LONP1: variants seen among roughly 807,000 people sequenced by gnomAD.
LONP1 encodes lon peptidase 1, mitochondrial, also known as lon protease homolog, mitochondrial.
Under a neutral mutation model 98.5 loss-of-function variants are expected in LONP1, and 31 were observed. That is an observed-to-expected ratio of 0.31 (90% CI 0.24 to 0.42). The LOEUF is 0.42. Ranked by LOEUF, LONP1 falls within the 20% of genes least tolerant of loss-of-function variation. The pLI is 1.00. For missense variants in LONP1, 1,336 were observed against 1,350.6 expected (o/e 0.99, Z 0.17); for synonymous variants, 781 against 594.7 (o/e 1.31, Z -4.56).
chr19:5,708,468 G>GGGGGGGGGGGGGGGGC, intron 4 of LONP1, 65 bp from the exon 5 acceptor site: 6 of 551,252 alleles, frequency 1.1e-5, no homozygotes, highest in Non-Finnish European at 1.4e-5. Flanking sequence ...GGCTGGGTGG[G>GGGGGGGGGGGGGGGGC]AGCATGGCCC....
chr19:5,697,033 G>A (rs1599450567), intron 10 of LONP1, among the ~76,000 whole-genome samples: 1 of 152,212 alleles, frequency 6.6e-6, no homozygotes, highest in East Asian at 1.9e-4. Context: ...GTGAAAGCCA[G>A]ACAGGCGCTG....
intron 15 of LONP1, among the ~76,000 whole-genome samples, 160 bp from the exon 16 acceptor site, chr19:5,693,929 C>T (rs368029326): frequency 5.9e-5 from 9 of 152,302 alleles, no homozygotes; most frequent in Non-Finnish European, 8.8e-5. Context: ...CTGGCCTCTA[C>T]GTTTGCTGCG....
At chr19:5,715,386 G>GT (rs562692203) in intron 1 of LONP1, among the ~76,000 whole-genome samples, 133 of 146,958 alleles carry the variant, frequency 9.1e-4, no homozygotes, top group African/African-American at 3.2e-3. Context: ...GCTCACGCCT[G>GT]TAATCCCAGC....
intron 1 of LONP1, among the ~76,000 whole-genome samples, chr19:5,716,576 A>G (rs1280803221): frequency 3.5e-5 from 5 of 144,130 alleles, no homozygotes; most frequent in African/African-American, 1.3e-4. Context: ...TTCTGTTCCC[A>G]GAAAAAAAAA....
upstream of LONP1, chr19:5,720,187 A>G (rs2055417778): frequency 7.2e-7 from 1 of 1,382,738 alleles, no homozygotes; most frequent in Non-Finnish European, 9.3e-7. Flanking sequence ...TCGCCGCGAA[A>G]CGCACGTGAC....
chr19:5,702,674 G>T (rs2055075916), intron 8 of LONP1, among the ~76,000 whole-genome samples: 1 of 152,206 alleles, frequency 6.6e-6, no homozygotes, highest in African/African-American at 2.4e-5. Context: ...TCTGTACTAA[G>T]AAAAATTCTT....
In LONP1 at chr19:5,701,021, C is replaced by T. The variant is rs1599458531; in HGVS notation, c.1368-94G>A. ...CTGGGTGGTTGCAAGGGGCTTGAAA[C>T]CCATGTGTGGGGCTGAGCGCGGTGG... On this transcript the variant is annotated intron_variant, in intron 8 of 17. Coordinates refer to ENST00000360614, the MANE Select transcript of LONP1 (RefSeq NM_004793.4). 10 of 1,452,530 alleles carry T rather than the reference C, an allele frequency of 6.9e-6. No individual in the cohort carries two copies. The East Asian group carries it at 2.1e-4, about 30-fold the overall frequency. 90.0% of individuals were successfully genotyped at this position (1,452,530 alleles called of 1,614,324 possible).
intron 11 of LONP1, 143 bp from the exon 12 acceptor site, chr19:5,696,514 T>C: frequency 7.6e-7 from 1 of 1,315,692 alleles, no homozygotes; most frequent in South Asian, 1.4e-5. Flanking sequence ...CTGCTGGGCG[T>C]GGCTGTGGGT....
Position 5,693,196 on chromosome 19 carries a change from C to G in LONP1, c.2703+102G>C. Reference sequence around the variant, plus strand: ...GACCTGCTTCCAAAGCCCAGGGCTTCCCTCTCCTTGGCCCAGGCAGAGGTT... The same window carrying G: ...GACCTGCTTCCAAAGCCCAGGGCTTGCCTCTCCTTGGCCCAGGCAGAGGTT... On this transcript the variant is annotated intron_variant, in intron 17 of 17. Transcript: ENST00000360614. 3.5e-6 allele frequency: 5 copies of G among 1,421,218 alleles called. No individual in the cohort carries two copies. In the South Asian group the frequency reaches 6.7e-5, roughly 19 times the overall value. 88.0% of individuals were successfully genotyped at this position (1,421,218 alleles called of 1,614,324 possible).
intron 8 of LONP1, among the ~76,000 whole-genome samples, chr19:5,702,343 G>A (rs559168552): frequency 5.7e-4 from 85 of 150,148 alleles, no homozygotes; most frequent in African/African-American, 1.9e-3. Flanking sequence ...CGCCCCGTCC[G>A]GGAGGGAGGT....
intron 1 of LONP1, among the ~76,000 whole-genome samples, chr19:5,718,121 G>A (rs1250743564): frequency 3.9e-5 from 6 of 152,202 alleles, no homozygotes; most frequent in African/African-American, 1.4e-4. Context: ...TATGGAGCTA[G>A]GATAGGACCC....
intron 3 of LONP1, 25 bp from the exon 4 acceptor site, chr19:5,712,027 G>GA: frequency 1.3e-6 from 2 of 1,588,536 alleles, no homozygotes; most frequent in South Asian, 2.2e-5. Flanking sequence ...AGGCAGGTGT[G>GA]AATCAGCCGC....
chr19:5,698,593 A>G (rs942103719), intron 10 of LONP1, among the ~76,000 whole-genome samples: 4 of 152,144 alleles, frequency 2.6e-5, no homozygotes, highest in African/African-American at 9.7e-5. Flanking sequence ...TCCTCACTGG[A>G]GACCGTCTCT....
In LONP1 at chr19:5,692,086, G is replaced by T. The variant is rs1202368334; in HGVS notation, c.2826C>A (p.Ile942=). The stretch of plus-strand genomic sequence containing the variant: ...GCTCGTCCGGGAAGGCGATGTCGAA[G>T]ATCTCCCGGTAGTGTTCCACGAAGT... ...EVHFVEHYRE[I]FDIAFPDEQA... Residue 942 remains isoleucine, a synonymous_variant, in exon 18 of 18, where the codon ATC becomes ATA. Transcript: ENST00000360614. 17 of 1,613,988 alleles carry T rather than the reference G, an allele frequency of 1.1e-5. No homozygotes were observed. The highest frequency in any genetic ancestry group is 1.4e-5 in the Non-Finnish European group (17 of 1,179,992).
intron 11 of LONP1, 126 bp from the exon 12 acceptor site, chr19:5,696,497 G>C (rs55653659): frequency 2.2e-6 from 3 of 1,390,366 alleles, no homozygotes. Flanking sequence ...TGCCTTGGAC[G>C]GGCAGCCTGC....
At chr19:5,715,448 C>A (rs2055300799) in intron 1 of LONP1, among the ~76,000 whole-genome samples, 1 of 150,386 alleles carries the variant, frequency 6.6e-6, no homozygotes, top group East Asian at 2.0e-4. Flanking sequence ...TCGAGACCAT[C>A]CTGGCTAACA....
intron 8 of LONP1, among the ~76,000 whole-genome samples, chr19:5,702,357 G>A (rs1249427652): frequency 6.7e-6 from 1 of 149,100 alleles, no homozygotes; most frequent in Admixed American, 6.6e-5. Flanking sequence ...GGGAGGTGGG[G>A]GGGTCAGCCC....
At chr19:5,698,947 T>A in intron 10 of LONP1, 80 bp downstream of exon 10, 1 of 1,432,800 alleles carries the variant, frequency 7.0e-7, no homozygotes, top group Non-Finnish European at 9.4e-7. Flanking sequence ...CTACCAGATG[T>A]TAAAGGGTGA....
chr19:5,707,280 G>A lies in LONP1; in HGVS notation c.1063-137C>T, dbSNP rs1056376139. The A allele has an allele frequency of 1.4e-5, 10 of 696,450 alleles. No homozygotes were observed. In the African/African-American group the frequency reaches 1.8e-4, roughly 12 times the overall value. The allele number at this position is 696,450 out of a possible 1,614,324, so 43.1% of individuals were successfully genotyped here. A position where few individuals can be genotyped will look rare whatever the true frequency, so the allele number is the denominator to read the frequency against. On this transcript the variant is annotated intron_variant, in intron 6 of 17. Transcript: ENST00000360614. ...CATGCTGTACCCAGCACAGAGGCAT[G>A]TGTGCCCTCTGCCCCAACAAATCCC...
Sources: allele counts gnomAD v4.1 joint callset (sites outside exome capture counted in the v4.1 genomes callset), GRCh38; gene constraint gnomAD v4.1.1; transcripts MANE v1.5; gene names NCBI Gene and HGNC (gene_info 2026-07-23, HGNC 2026-07-21).